Variants in CPPED1 observed in about 807,000 individuals in gnomAD.
CPPED1 encodes serine/threonine-protein phosphatase CPPED1.
A neutral mutation model predicts 28.0 loss-of-function variants in CPPED1; 28 were observed. The observed-to-expected ratio is 1.00, with a 90% confidence interval of 0.74 to 1.37. The LOEUF (loss-of-function observed/expected upper bound fraction) is 1.37. CPPED1 is among the 40% of genes most tolerant of loss of function. CPPED1 has a pLI of 0.00. For synonymous variants in CPPED1, 198 were observed against 180.2 expected, an observed-to-expected ratio of 1.10 and a Z score of -0.79; for missense variants, 504 against 416.5, an observed-to-expected ratio of 1.21 and a Z score of -1.83.
At position 12,742,255 on chromosome 16, in the gene CPPED1, C is replaced by T. The variant is rs115598833; in HGVS notation, c.290-37206G>A. 8.3e-3 allele frequency among the ~76,000 whole-genome samples: 1,270 copies of T among 152,196 alleles called. 21 individuals carry two copies. The highest frequency in any genetic ancestry group is 0.029 in the African/African-American group (1,185 of 41,528). On this transcript the variant is annotated intron_variant, in intron 2 of 3. Coordinates refer to ENST00000381774, the MANE Select transcript of CPPED1 (RefSeq NM_018340.3). Reference sequence around the variant, plus strand: ...TAATAAGCTATTACCTAAAGAAACACTCTACAAGTAAAAGCAACTGGTTGC... The same window carrying T: ...TAATAAGCTATTACCTAAAGAAACATTCTACAAGTAAAAGCAACTGGTTGC...
intron 2 of CPPED1, among the ~76,000 whole-genome samples, chr16:12,727,957 C>G (rs1243209997): frequency 6.6e-6 from 1 of 152,198 alleles, no homozygotes; most frequent in East Asian, 1.9e-4. Context: ...TCATAGAGAT[C>G]ACGTTATAAC....
intron 1 of CPPED1, among the ~76,000 whole-genome samples, chr16:12,797,731 C>T (rs563158297): frequency 2.0e-5 from 3 of 152,096 alleles, no homozygotes; most frequent in East Asian, 1.9e-4. Context: ...CAAAAAATTC[C>T]GAACTTTTAA....
At chr16:12,744,202 G>A (rs974308570) in intron 2 of CPPED1, among the ~76,000 whole-genome samples, 3 of 151,690 alleles carry the variant, frequency 2.0e-5, no homozygotes, top group Non-Finnish European at 4.4e-5. Context: ...CGTGAACCCA[G>A]GAGGCGGAGC....
intron 2 of CPPED1, among the ~76,000 whole-genome samples, chr16:12,725,685 G>A (rs542470207): frequency 6.6e-6 from 1 of 152,230 alleles, no homozygotes; most frequent in South Asian, 2.1e-4. Context: ...GGGAAGTGTG[G>A]AGACCTCGTG....
rs1435094982 is a variant in CPPED1, at chr16:12,662,752, A to T, written c.*2134T>A. 3 of 152,244 alleles carry T rather than the reference A, an allele frequency of 2.0e-5. No individual in the cohort carries two copies. The highest frequency in any genetic ancestry group is 7.2e-5 in the African/African-American group (3 of 41,472). 9.4% of individuals were successfully genotyped at this position (152,244 alleles called of 1,614,324 possible). A position where few individuals can be genotyped will look rare whatever the true frequency, so the allele number is the denominator to read the frequency against. On this transcript the variant is annotated 3_prime_UTR_variant, in exon 4 of 4. Transcript: ENST00000381774. ...CTGAATAGTATTCCATTATGTATAC[A>T]TACCACATGTTCTTTATCCAATCAT...
intron 3 of CPPED1, among the ~76,000 whole-genome samples, chr16:12,689,190 T>C (rs2079949107): frequency 6.7e-6 from 1 of 150,094 alleles, no homozygotes; most frequent in Non-Finnish European, 1.5e-5. Context: ...TAAATGCCCA[T>C]ATATGATCAG....
At chr16:12,741,504 G>A (rs889792098) in intron 2 of CPPED1, among the ~76,000 whole-genome samples, 2 of 152,140 alleles carry the variant, frequency 1.3e-5, no homozygotes, top group African/African-American at 4.8e-5. Context: ...TTCCCCCAGT[G>A]GGGAAGGAAT....
chr16:12,707,366 T>A (rs918021734), intron 2 of CPPED1, among the ~76,000 whole-genome samples: 6 of 152,274 alleles, frequency 3.9e-5, no homozygotes, highest in Admixed American at 3.9e-4. Context: ...TGCACCGACT[T>A]GCTTCCTCTG....
intron 1 of CPPED1, among the ~76,000 whole-genome samples, chr16:12,802,747 CA>C (rs2080668086): frequency 6.6e-6 from 1 of 152,196 alleles, no homozygotes; most frequent in Non-Finnish European, 1.5e-5. Context: ...GCTAAAGAAG[CA>C]GAAAACAGCA....
At chr16:12,781,635 T>A (rs1360301658) in intron 1 of CPPED1, among the ~76,000 whole-genome samples, 3 of 152,156 alleles carry the variant, frequency 2.0e-5, no homozygotes, top group Non-Finnish European at 4.4e-5. Flanking sequence ...CACGTGGGCT[T>A]CTGCAGCCAC....
chr16:12,761,022 CA>C (rs11362392), intron 2 of CPPED1: 13,615 of 152,202 alleles, frequency 0.089, 2,083 homozygotes, highest in African/African-American at 0.31. Flanking sequence ...CTGTCTTCTT[CA>C]GTTCCTGTTT....
At chr16:12,794,648 C>T (rs575354310) in intron 1 of CPPED1, among the ~76,000 whole-genome samples, 21 of 152,262 alleles carry the variant, frequency 1.4e-4, no homozygotes, top group African/African-American at 4.8e-4. Context: ...TCTGTAAAAT[C>T]TGAAATCCGA....
intron 2 of CPPED1, among the ~76,000 whole-genome samples, chr16:12,726,018 G>A (rs1047189307): frequency 1.3e-5 from 2 of 152,038 alleles, no homozygotes; most frequent in African/African-American, 2.4e-5. Flanking sequence ...GCAACATAGG[G>A]AGATCCCATC....
intron 3 of CPPED1, among the ~76,000 whole-genome samples, chr16:12,676,209 G>C (rs2079877000): frequency 6.6e-6 from 1 of 152,188 alleles, no homozygotes; most frequent in Non-Finnish European, 1.5e-5. Flanking sequence ...ATCCGGGTAA[G>C]GTGGGAGGCT....
intron 1 of CPPED1, among the ~76,000 whole-genome samples, chr16:12,787,948 T>C (rs990633610): frequency 1.3e-5 from 2 of 152,128 alleles, no homozygotes; most frequent in African/African-American, 4.8e-5. Context: ...TGGGGCAGGA[T>C]CCGTTTCCAA....
chr16:12,757,791 AAC>A (rs1038565549), intron 2 of CPPED1: 15 of 150,064 alleles, frequency 1.0e-4, no homozygotes, highest in African/African-American at 3.7e-4. Context: ...GCCAGATTAA[AAC>A]ATTGTGTAAT....
intron 1 of CPPED1, among the ~76,000 whole-genome samples, chr16:12,791,220 C>G (rs917494911): frequency 3.4e-4 from 51 of 152,072 alleles, no homozygotes; most frequent in Non-Finnish European, 3.2e-4. Flanking sequence ...CCCCTTGCCC[C>G]CGACCTCCCA....
At chr16:12,684,650 C>A (rs1596444954) in intron 3 of CPPED1, among the ~76,000 whole-genome samples, 1 of 152,218 alleles carries the variant, frequency 6.6e-6, no homozygotes, top group Non-Finnish European at 1.5e-5. Context: ...GCTGCTTCTT[C>A]TTCATCCTCT....
intron 3 of CPPED1, among the ~76,000 whole-genome samples, chr16:12,686,679 C>A (rs1385419865): frequency 6.6e-6 from 1 of 152,078 alleles, no homozygotes; most frequent in African/African-American, 2.4e-5. Context: ...TAACCCTGGC[C>A]CATGTCTGTA....
Sources: gnomAD v4.1 joint callset for allele counts (sites outside exome capture counted in the v4.1 genomes callset) on GRCh38, gnomAD v4.1.1 for gene constraint, MANE v1.5 for transcripts, NCBI Gene and HGNC (gene_info 2026-07-23, HGNC 2026-07-21) for gene names.